Variants in CADM2 observed in about 807,000 individuals in gnomAD.
The protein encoded by CADM2 is cell adhesion molecule 2.
A neutral mutation model predicts 49.8 loss-of-function variants in CADM2; 12 were observed. The observed-to-expected ratio is 0.24, with a 90% CI of 0.15 to 0.39. The LOEUF (loss-of-function observed/expected upper bound fraction) is 0.39. Ranked by LOEUF, CADM2 falls within the 10% of genes least tolerant of loss-of-function variation. The pLI is 1.00. For missense variants in CADM2, 378 were observed against 492.3 expected (o/e 0.77, Z 2.20); for synonymous variants, 214 against 175.4 (o/e 1.22, Z -1.74).
chr3:85,068,731 T>C (rs868105855), intron 1 of CADM2, among the ~76,000 whole-genome samples: 13 of 152,118 alleles, frequency 8.5e-5, no homozygotes, highest in African/African-American at 7.2e-5. Context: ...GAATACATAT[T>C]TAAAGTAAGC....
At chr3:85,337,037 A>ATC (rs1469935727) in intron 1 of CADM2, among the ~76,000 whole-genome samples, 2 of 138,800 alleles carry the variant, frequency 1.4e-5, no homozygotes, top group East Asian at 4.0e-4. Context: ...ATAAATATAT[A>ATC]TATATAAATA....
At chr3:85,917,813 T>C (rs1718565286) in intron 6 of CADM2, among the ~76,000 whole-genome samples, 2 of 152,226 alleles carry the variant, frequency 1.3e-5, no homozygotes, top group Admixed American at 1.3e-4. Context: ...CGGAGTGTTC[T>C]TCCATTTGTT....
chr3:85,233,691 C>T (rs375493222), intron 1 of CADM2, among the ~76,000 whole-genome samples: 10 of 151,870 alleles, frequency 6.6e-5, no homozygotes, highest in African/African-American at 1.7e-4. Flanking sequence ...AGCAGCAGAA[C>T]GATTTATTTT....
At chr3:85,140,593 CACTT>C (rs1299414210) in intron 1 of CADM2, among the ~76,000 whole-genome samples, 1 of 152,192 alleles carries the variant, frequency 6.6e-6, no homozygotes, top group African/African-American at 2.4e-5. Context: ...AACATTATCT[CACTT>C]AATTCCACAT....
chr3:85,162,058 CTT>C (rs2040343268), intron 1 of CADM2, among the ~76,000 whole-genome samples: 1 of 151,988 alleles, frequency 6.6e-6, no homozygotes, highest in Non-Finnish European at 1.5e-5. Context: ...GTACCTTTGT[CTT>C]TTAACCGTCA....
chr3:85,007,107 G>A (rs998930382), intron 1 of CADM2, among the ~76,000 whole-genome samples: 1 of 151,974 alleles, frequency 6.6e-6, no homozygotes, highest in African/African-American at 2.4e-5. Flanking sequence ...TCTTTTGGAG[G>A]TAAAAAGGAC....
chr3:85,953,400 C>T (rs1045930004), intron 7 of CADM2, among the ~76,000 whole-genome samples: 2 of 150,828 alleles, frequency 1.3e-5, no homozygotes, highest in Admixed American at 1.3e-4. Context: ...CTGACATTCC[C>T]AATATTTAAA....
rs188851586 is a variant in CADM2, at chr3:85,495,357, C to T, written c.62-231165C>T. ...CAGATGAACCCCTAAATCATTTATACGTAACCTTAGAAAGACTTCTAAAAC... is the reference window on the plus strand; with the variant it reads ...CAGATGAACCCCTAAATCATTTATATGTAACCTTAGAAAGACTTCTAAAAC... On this transcript the variant is annotated intron_variant, in intron 1 of 9. Coordinates refer to ENST00000383699, the MANE Select transcript of CADM2 (RefSeq NM_001167675.2). 2.6e-3 allele frequency among the ~76,000 whole-genome samples: 390 copies of T among 152,218 alleles called. No homozygotes were observed. The Middle Eastern group carries it at 0.038, about 15-fold the overall frequency.
At chr3:85,608,253 T>C (rs2063586313) in intron 1 of CADM2, among the ~76,000 whole-genome samples, 1 of 152,140 alleles carries the variant, frequency 6.6e-6, no homozygotes, top group Non-Finnish European at 1.5e-5. Context: ...TGTTGCAAAG[T>C]ATTATATTTT....
chr3:85,613,474 G>T (rs932208016), intron 1 of CADM2, among the ~76,000 whole-genome samples: 1 of 151,474 alleles, frequency 6.6e-6, no homozygotes, highest in Non-Finnish European at 1.5e-5. Flanking sequence ...CAGCATCCAG[G>T]TTTTCATAAA....
intron 1 of CADM2, among the ~76,000 whole-genome samples, chr3:85,588,549 G>A (rs2063009241): frequency 6.6e-6 from 1 of 152,044 alleles, no homozygotes; most frequent in Non-Finnish European, 1.5e-5. Context: ...TTTGAGATGT[G>A]ATTTGAGAAC....
intron 1 of CADM2, among the ~76,000 whole-genome samples, chr3:85,071,005 A>T (rs942064266): frequency 1.3e-5 from 2 of 150,464 alleles, no homozygotes; most frequent in African/African-American, 4.9e-5. Context: ...TAAATAAATA[A>T]ATAAATAAAT....
At chr3:85,189,721 T>C (rs2041159208) in intron 1 of CADM2, among the ~76,000 whole-genome samples, 2 of 152,274 alleles carry the variant, frequency 1.3e-5, no homozygotes, top group South Asian at 2.1e-4. Flanking sequence ...AGGCATTCTT[T>C]AGGGGGGACC....
chr3:85,246,069 A>G (rs188987547), intron 1 of CADM2, among the ~76,000 whole-genome samples: 2 of 152,324 alleles, frequency 1.3e-5, no homozygotes, highest in East Asian at 3.9e-4. Context: ...GTTTGTGTGT[A>G]CTTGTATTTT....
At chr3:85,225,094 G>C (rs1486109883) in intron 1 of CADM2, among the ~76,000 whole-genome samples, 2 of 151,958 alleles carry the variant, frequency 1.3e-5, no homozygotes, top group Non-Finnish European at 2.9e-5. Context: ...GCTCTTTTTT[G>C]GTTCCATATG....
rs1350974885 is a variant in CADM2 at position 85,815,275 on chromosome 3, T to C, written c.238+13079T>C. Reference sequence around the variant, plus strand: ...CCAGCATCATCCTGATACCAAAACCTGGCAGAGACACAGCAAAAAAGGAAA... The same window carrying C: ...CCAGCATCATCCTGATACCAAAACCCGGCAGAGACACAGCAAAAAAGGAAA... On this transcript the variant is annotated intron_variant, in intron 3 of 9. Transcript: ENST00000383699. Among the ~76,000 whole-genome samples, 71 of 152,020 alleles carry C rather than the reference T, an allele frequency of 4.7e-4. 1 individual carries two copies. The highest frequency in any genetic ancestry group is 2.9e-5 in the Non-Finnish European group (2 of 67,998).
chr3:85,436,976 T>C (rs1474836017), intron 1 of CADM2, among the ~76,000 whole-genome samples: 1 of 152,178 alleles, frequency 6.6e-6, no homozygotes, highest in African/African-American at 2.4e-5. Context: ...ATTTTCAGTC[T>C]TAAAAATCTT....
chr3:85,301,883 G>A (rs77673911), intron 1 of CADM2, among the ~76,000 whole-genome samples: 7,266 of 152,068 alleles, frequency 0.048, 483 homozygotes, highest in African/African-American at 0.15. Context: ...TTTCTGATTA[G>A]ACTTCAGAAA....
At chr3:85,077,753 TAAAGA>T (rs2037003255) in intron 1 of CADM2, among the ~76,000 whole-genome samples, 2 of 152,072 alleles carry the variant, frequency 1.3e-5, no homozygotes, top group South Asian at 2.1e-4. Flanking sequence ...TAAAACTGTA[TAAAGA>T]AAAGTTTTTT....
Sources: allele counts gnomAD v4.1 joint callset (sites outside exome capture counted in the v4.1 genomes callset), GRCh38; gene constraint gnomAD v4.1.1; transcripts MANE v1.5; gene names NCBI Gene and HGNC (gene_info 2026-07-23, HGNC 2026-07-21).